The following NAMPT variants were observed in gnomAD, a reference collection of about 807,000 sequenced individuals.
NAMPT encodes the protein nicotinamide phosphoribosyltransferase.
In NAMPT, 7 loss-of-function variants were observed where a neutral mutation model predicts 58.7. The observed-to-expected ratio is 0.12, with a 90% CI of 0.07 to 0.22. NAMPT has a LOEUF of 0.22. NAMPT is among the 10% of genes least tolerant of loss of function. The pLI is 1.00. For missense variants in NAMPT, 271 were observed against 567.9 expected, an observed-to-expected ratio of 0.48 and a Z score of 5.31; for synonymous variants, 145 against 198.1, an observed-to-expected ratio of 0.73 and a Z score of 2.25.
intron 8 of NAMPT, among the ~76,000 whole-genome samples, chr7:106,257,077 GA>G (rs1792214293): frequency 6.6e-6 from 1 of 151,846 alleles, no homozygotes; most frequent in African/African-American, 2.4e-5. Context: ...CCGAGAAGCA[GA>G]GGTTGCAGTG....
chr7:106,277,834 A>T (rs1305502754), intron 1 of NAMPT, among the ~76,000 whole-genome samples: 1 of 152,230 alleles, frequency 6.6e-6, no homozygotes, highest in Non-Finnish European at 1.5e-5. Flanking sequence ...CCTTAGCACA[A>T]ATTTCTTTTC....
chr7:106,255,162 C>A (rs1460034599), intron 8 of NAMPT, among the ~76,000 whole-genome samples: 1 of 152,092 alleles, frequency 6.6e-6, no homozygotes, highest in African/African-American at 2.4e-5. Context: ...GCTAGAGAGA[C>A]CTGTATGAAC....
chr7:106,256,627 C>T lies in NAMPT; in HGVS notation c.1090-2123G>A, dbSNP rs550763564. 2.0e-5 allele frequency among the ~76,000 whole-genome samples: 3 copies of T among 152,294 alleles called. No individual in the cohort carries two copies. In the South Asian group the frequency reaches 6.2e-4, roughly 32 times the overall value. Reference sequence around the variant, plus strand: ...CATTCAGTGGAACATCAATAAATTACTTGAGATATTCAACACTTTACTATA... The same window carrying T: ...CATTCAGTGGAACATCAATAAATTATTTGAGATATTCAACACTTTACTATA... On this transcript the variant is annotated intron_variant, in intron 8 of 10. Transcript: ENST00000222553.
chr7:106,284,597 C>T (rs952250448), intron 1 of NAMPT: 11 of 297,552 alleles, frequency 3.7e-5, no homozygotes, highest in Admixed American at 1.8e-4. Flanking sequence ...GCCCCCAGGC[C>T]CCGCCTCCAC....
At position 106,248,959 on chromosome 7, in the gene NAMPT, C is replaced by T. The variant is rs1485591990; in HGVS notation, c.*2124G>A. ...AACAAAGAGATAGCTTTTTTCACTG[C>T]AAATTTCTAAATTAAACTCTATTCT... is the stretch of plus-strand genomic sequence containing the variant. On this transcript the variant is annotated 3_prime_UTR_variant, in exon 11 of 11. Transcript: ENST00000222553. 1 of 152,002 alleles carries T rather than the reference C, an allele frequency of 6.6e-6. No individual in the cohort carries two copies. The highest frequency in any genetic ancestry group is 1.5e-5 in the Non-Finnish European group (1 of 67,954). 9.4% of individuals were successfully genotyped at this position (152,002 alleles called of 1,614,324 possible).
At chr7:106,257,597 C>G (rs1586012861) in intron 8 of NAMPT, among the ~76,000 whole-genome samples, 1 of 150,882 alleles carries the variant, frequency 6.6e-6, no homozygotes, top group South Asian at 2.1e-4. Context: ...CACCACTGCA[C>G]TAAGCCTGGG....
In NAMPT at chr7:106,250,160, G is replaced by C. The variant is rs1055067352; in HGVS notation, c.*923C>G. The C allele has an allele frequency of 6.6e-6, 1 of 152,316 alleles. No homozygotes were observed. The highest frequency in any genetic ancestry group is 1.5e-5 in the Non-Finnish European group (1 of 67,924). The allele number at this position is 152,316 out of a possible 1,614,324, so 9.4% of individuals were successfully genotyped here. The stretch of plus-strand genomic sequence containing the variant: ...ATTCATTTAAGTCATACCAACTATA[G>C]AATATGAAAAATAAATTCAGAAGTG... On this transcript the variant is annotated 3_prime_UTR_variant, in exon 11 of 11. Coordinates refer to ENST00000222553, the MANE Select transcript of NAMPT (RefSeq NM_005746.3).
intron 7 of NAMPT, 100 bp from the exon 8 acceptor site, chr7:106,261,807 T>C (rs1792308502): frequency 2.3e-6 from 3 of 1,310,150 alleles, no homozygotes; most frequent in African/African-American, 1.5e-5. Flanking sequence ...ATCGAGAATA[T>C]AAAAATTAAC....
At chr7:106,279,290 G>A (rs552093246) in intron 1 of NAMPT, among the ~76,000 whole-genome samples, 9 of 152,290 alleles carry the variant, frequency 5.9e-5, no homozygotes, top group Non-Finnish European at 1.0e-4. Flanking sequence ...TAAGAGTATC[G>A]TTTTAGAATA....
chr7:106,268,973 C>G (rs186712456), intron 5 of NAMPT, among the ~76,000 whole-genome samples, 181 bp downstream of exon 5: 1 of 152,258 alleles, frequency 6.6e-6, no homozygotes, highest in East Asian at 1.9e-4. Context: ...ACAGGGACAT[C>G]TGTTGAAGGA....
intron 3 of NAMPT, among the ~76,000 whole-genome samples, 198 bp downstream of exon 3, chr7:106,274,748 A>G (rs1792601146): frequency 6.6e-6 from 1 of 152,130 alleles, no homozygotes; most frequent in Non-Finnish European, 1.5e-5. Context: ...CCAGCTACTA[A>G]GGAGGCTAAG....
chr7:106,276,973 G>A, intron 2 of NAMPT, 50 bp downstream of exon 2: 1 of 1,386,790 alleles, frequency 7.2e-7, no homozygotes, highest in Non-Finnish European at 1.0e-6. Context: ...AACTCCTAAA[G>A]GAGTTAAGAG....
intron 9 of NAMPT, among the ~76,000 whole-genome samples, 181 bp downstream of exon 9, chr7:106,254,183 T>G (rs1562811467): frequency 6.6e-6 from 1 of 152,158 alleles, no homozygotes; most frequent in Non-Finnish European, 1.5e-5. Context: ...TCTGTCTCCT[T>G]AGGTCTGTTA....
intron 4 of NAMPT, 164 bp downstream of exon 4, chr7:106,272,366 A>G: frequency 1.8e-6 from 1 of 562,328 alleles, no homozygotes; most frequent in Non-Finnish European, 3.0e-6. Context: ...AACCTTAAAG[A>G]TTATTTAGTC....
At position 106,275,023 on chromosome 7, in the gene NAMPT, G is replaced by C. The variant is rs765304726; in HGVS notation, c.241C>G (p.Gln81Glu). 6.2e-7 allele frequency: 1 copy of C among 1,610,824 alleles called. No homozygotes were observed. ...KGKVVTKEKI[Q>E]EAKDVYKEHF... ...TCTTTGTAGACATCTTTGGCTTCCT[G>C]GATTTTCTCTTTGGTTACTACTTTA... The change falls in exon 3 of 11, where the codon CAG becomes GAG. Residue 81 changes from glutamine to glutamate, a missense_variant. Around this residue, in one of 4 missense-constraint regions of NAMPT, gnomAD observed 103 missense variants for 194.2 expected, o/e 0.53. Transcript: ENST00000222553.
chr7:106,270,433 C>T (rs17152826), intron 4 of NAMPT: 1 of 218,336 alleles, frequency 4.6e-6, no homozygotes, highest in Non-Finnish European at 1.1e-5. Flanking sequence ...TAACCTTGAA[C>T]TTGCCAATCT....
intron 8 of NAMPT, among the ~76,000 whole-genome samples, chr7:106,255,746 C>T (rs1792187867): frequency 6.6e-6 from 1 of 152,080 alleles, no homozygotes; most frequent in African/African-American, 2.4e-5. Flanking sequence ...CCTAAAGGTA[C>T]CCAAGGCCCC....
rs1792135383 is a variant in NAMPT at position 106,253,283 on chromosome 7, A to G, written c.1231-132T>C. The G allele has an allele frequency of 5.9e-6, 5 of 854,632 alleles. No homozygotes were observed. The South Asian group carries it at 7.4e-5, about 13-fold the overall frequency. The allele number at this position is 854,632 out of a possible 1,614,324, so 52.9% of individuals were successfully genotyped here. On this transcript the variant is annotated intron_variant, in intron 9 of 10. Transcript: ENST00000222553. ...GCACTTAATAGGTATAACTGAACCA[A>G]TCCACATCTGGCTTTCAGAAACATA...
At chr7:106,285,322 G>T, upstream of NAMPT, 1 of 508,038 alleles carries the variant, frequency 2.0e-6, no homozygotes, top group Non-Finnish European at 2.6e-6. Context: ...GCTTACCTAA[G>T]TTCGAGTTCC....
Sources: allele counts gnomAD v4.1 joint callset (sites outside exome capture counted in the v4.1 genomes callset), GRCh38; gene constraint gnomAD v4.1.1; regional missense constraint gnomAD v4.1.1; transcripts MANE v1.5; gene names NCBI Gene and HGNC (gene_info 2026-07-23, HGNC 2026-07-21).